PLA2G4E: variants seen among roughly 807,000 people sequenced by gnomAD.
PLA2G4E encodes phospholipase A2 group IVE.
In PLA2G4E, 84 loss-of-function variants were observed where a neutral mutation model predicts 109.1. The observed-to-expected ratio is 0.77, with a 90% CI of 0.65 to 0.92. The LOEUF is 0.92. PLA2G4E is among the 40% of genes least tolerant of loss of function. The probability of loss-of-function intolerance (pLI) is 0.00; values close to 1 mark genes in which losing one functional copy is unlikely to be tolerated. For synonymous variants in PLA2G4E, 469 were observed against 436.1 expected (o/e 1.08, Z -0.94); for missense variants, 1,057 against 1,076.6 (o/e 0.98, Z 0.25).
At chr15:42,004,859 C>T in intron 5 of PLA2G4E, 79 bp downstream of exon 5, 2 of 1,532,196 alleles carry the variant, frequency 1.3e-6, no homozygotes, top group Non-Finnish European at 1.8e-6. Flanking sequence ...AAAAGGCCGA[C>T]CTGCCTCTGA....
At chr15:42,033,374 C>A (rs1889149306) in intron 1 of PLA2G4E, among the ~76,000 whole-genome samples, 1 of 152,150 alleles carries the variant, frequency 6.6e-6, no homozygotes, top group Non-Finnish European at 1.5e-5. Context: ...TTCAGTGCCA[C>A]ACTGTTGGTT....
At chr15:42,013,851 G>T in intron 1 of PLA2G4E, 94 bp from the exon 2 acceptor site, 1 of 915,252 alleles carries the variant, frequency 1.1e-6, no homozygotes, top group Non-Finnish European at 1.6e-6. Context: ...CCTCAGGCCG[G>T]CCCAGTTGCA....
chr15:42,013,078 G>A (rs1342432103), intron 2 of PLA2G4E, among the ~76,000 whole-genome samples: 1 of 152,216 alleles, frequency 6.6e-6, no homozygotes. Flanking sequence ...GCTCTGGGAT[G>A]AGGGGGGAGG....
At chr15:42,039,846 A>G (rs1381107802) in intron 1 of PLA2G4E, among the ~76,000 whole-genome samples, 1 of 152,212 alleles carries the variant, frequency 6.6e-6, no homozygotes, top group Non-Finnish European at 1.5e-5. Context: ...GGAAAATAAA[A>G]TGATCAATTC....
intron 2 of PLA2G4E, among the ~76,000 whole-genome samples, chr15:42,010,829 G>A (rs1222324364): frequency 2.0e-5 from 3 of 149,974 alleles, no homozygotes; most frequent in Non-Finnish European, 4.4e-5. Context: ...GGCTCTTTCA[G>A]TTATCGAGGA....
intron 1 of PLA2G4E, among the ~76,000 whole-genome samples, chr15:42,045,272 C>T (rs899812845): frequency 2.6e-5 from 4 of 151,940 alleles, no homozygotes; most frequent in African/African-American, 9.7e-5. Context: ...CCTCACTCCA[C>T]GTGGGTGGCA....
chr15:42,007,646 C>T, intron 3 of PLA2G4E, 83 bp downstream of exon 3: 1 of 1,482,474 alleles, frequency 6.7e-7, no homozygotes, highest in Admixed American at 1.9e-5. Context: ...GGCATAAGAA[C>T]ACAGAGGCAA....
chr15:42,037,367 C>G (rs1469337248), intron 1 of PLA2G4E, among the ~76,000 whole-genome samples: 2 of 152,230 alleles, frequency 1.3e-5, no homozygotes. Context: ...GCAGAGCGGT[C>G]GTCAGGATGA....
Position 42,001,146 on chromosome 15 carries a change from A to G in PLA2G4E, c.673+11T>C. On this transcript the variant is annotated intron_variant, in intron 7 of 19. Transcript: ENST00000399518. Reference sequence around the variant, plus strand: ...TGTCCCCCAGTAGGCAGAAAAGGCAAAACAGCTCACTTTTCTCCCTCTTCC... The same window carrying G: ...TGTCCCCCAGTAGGCAGAAAAGGCAGAACAGCTCACTTTTCTCCCTCTTCC... The G allele has an allele frequency of 6.2e-7, 1 of 1,611,486 alleles. No individual in the cohort carries two copies. Among genetic ancestry groups the G allele is most frequent in the Non-Finnish European group, 8.5e-7 (1 of 1,177,732 alleles).
At chr15:41,992,318 C>G (rs1179099891) in intron 13 of PLA2G4E, among the ~76,000 whole-genome samples, 1 of 152,144 alleles carries the variant, frequency 6.6e-6, no homozygotes, top group Non-Finnish European at 1.5e-5. Flanking sequence ...CTGGAGGACC[C>G]TCCAAGGGCC....
chr15:42,049,240 G>A (rs1712415), intron 1 of PLA2G4E, among the ~76,000 whole-genome samples: 14,338 of 152,180 alleles, frequency 0.094, 719 homozygotes, highest in South Asian at 0.19. Flanking sequence ...ATGTGACTCT[G>A]GGAAGTGCCA....
At chr15:42,047,573 G>A (rs1053885963) in intron 1 of PLA2G4E, among the ~76,000 whole-genome samples, 2 of 152,144 alleles carry the variant, frequency 1.3e-5, no homozygotes, top group African/African-American at 4.8e-5. Context: ...ATGACCTTTG[G>A]GGGGCATATT....
chr15:41,989,686 A>G, intron 14 of PLA2G4E, 134 bp from the exon 15 acceptor site: 1 of 1,239,172 alleles, frequency 8.1e-7, no homozygotes, highest in Non-Finnish European at 1.1e-6. Context: ...GTTCCCCCAA[A>G]GGACACATGG....
At chr15:42,001,209 G>C (rs1490099698) in exon 7 of PLA2G4E, 1 of 1,613,316 alleles carries the variant, frequency 6.2e-7, no homozygotes. Context: ...CCAGGCAGGA[G>C]ACTTGTCGAG....
At chr15:42,003,732 G>A (rs913045297) in intron 5 of PLA2G4E, among the ~76,000 whole-genome samples, 2 of 152,216 alleles carry the variant, frequency 1.3e-5, no homozygotes, top group African/African-American at 4.8e-5. Context: ...TCTCCCACCT[G>A]TCATCCTCCT....
At chr15:42,010,135 C>CCCA (rs771794934) in intron 2 of PLA2G4E, 9 of 467,626 alleles carry the variant, frequency 1.9e-5, no homozygotes, top group East Asian at 6.4e-5. Flanking sequence ...AACACTGGCC[C>CCCA]CCCCACCCCG....
intron 1 of PLA2G4E, 136 bp from the exon 2 acceptor site, chr15:42,013,893 T>TG (rs1279876016): frequency 3.3e-6 from 2 of 608,484 alleles, no homozygotes; most frequent in African/African-American, 4.0e-5. Context: ...TTTTTTTTTT[T>TG]TTTTTTTTTT....
chr15:42,004,626 G>A (rs1349920435), intron 5 of PLA2G4E, among the ~76,000 whole-genome samples: 1 of 152,186 alleles, frequency 6.6e-6, no homozygotes, highest in Non-Finnish European at 1.5e-5. Context: ...CGCCATGGTG[G>A]CAGGAACTCT....
chr15:41,996,859 C>G (rs1054222317), intron 11 of PLA2G4E, among the ~76,000 whole-genome samples: 5 of 152,180 alleles, frequency 3.3e-5, no homozygotes, highest in African/African-American at 1.2e-4. Flanking sequence ...CTGAGTAAGG[C>G]CCCTTTAGCC....
Sources: allele counts gnomAD v4.1 joint callset (sites outside exome capture counted in the v4.1 genomes callset), GRCh38; gene constraint gnomAD v4.1.1; transcripts MANE v1.5; gene names NCBI Gene and HGNC (gene_info 2026-07-23, HGNC 2026-07-21).